KDM2B: variants seen among roughly 807,000 people sequenced by gnomAD.
The protein encoded by KDM2B is lysine-specific demethylase 2B.
A neutral mutation model predicts 150.0 loss-of-function variants in KDM2B; 26 were observed. The observed-to-expected ratio is 0.17, with a 90% CI of 0.13 to 0.24. The LOEUF (loss-of-function observed/expected upper bound fraction) is 0.24, where lower values mean the gene tolerates loss of function less well. KDM2B is among the 10% of genes least tolerant of loss of function. The pLI is 1.00. For synonymous variants in KDM2B, 734 were observed against 729.5 expected, an observed-to-expected ratio of 1.01 and a Z score of -0.10; for missense variants, 1,265 against 1,816.9, an observed-to-expected ratio of 0.70 and a Z score of 5.52.
At chr12:121,412,951 A>T in the KDM2B span, among the ~76,000 whole-genome samples, 6 of 151,612 alleles carry the variant, frequency 4.0e-5, no homozygotes, top group Non-Finnish European at 8.8e-5. Flanking sequence ...TCTTGACCTC[A>T]TGATCTGCTC....
chr12:121,476,942 C>T (rs1881451129), intron 12 of KDM2B, among the ~76,000 whole-genome samples: 1 of 152,256 alleles, frequency 6.6e-6, no homozygotes, highest in South Asian at 2.1e-4. Flanking sequence ...CCTCACACTG[C>T]TGGCTCAGGA....
chr12:121,513,339 C>T lies in KDM2B; in HGVS notation c.1111G>A (p.Val371Met), dbSNP rs370799003. Reference protein sequence around the residue: ...EMCWYVLERYVYCVTQRSHLT... With the variant: ...EMCWYVLERYMYCVTQRSHLT... ...TGGGAGCGCTGGGTCACACAGTACACGTATCTCTCCAGGACATACCAGCAC... is the reference window on the plus strand; with the variant it reads ...TGGGAGCGCTGGGTCACACAGTACATGTATCTCTCCAGGACATACCAGCAC... The change falls in exon 10 of 23, where the codon GTG becomes ATG. Residue 371 changes from valine (V) to methionine (M), a missense_variant. Val to Met is a conservative substitution (Grantham distance 21, BLOSUM62 1). This residue lies in a region of KDM2B where 214 missense variants were observed against 447.4 expected (regional missense o/e 0.48). Transcript: ENST00000377071. The surrounding 1 kb of genome is among the most constrained non-coding windows in gnomAD (Gnocchi z 5.0). 2.3e-5 allele frequency: 37 copies of T among 1,613,446 alleles called. No individual in the cohort carries two copies. The highest frequency in any genetic ancestry group is 2.9e-5 in the Non-Finnish European group (34 of 1,179,820).
intron 4 of KDM2B, among the ~76,000 whole-genome samples, chr12:121,569,736 C>A (rs574956325): frequency 3.3e-5 from 5 of 152,330 alleles, no homozygotes; most frequent in South Asian, 4.1e-4. Flanking sequence ...TGTCCCTCTG[C>A]AAAGCACTTG....
chr12:121,500,875 C>A (rs193231241), intron 11 of KDM2B, among the ~76,000 whole-genome samples: 53 of 152,188 alleles, frequency 3.5e-4, no homozygotes, highest in South Asian at 8.3e-4. Flanking sequence ...CCGAGGCGGG[C>A]GGATCACTTG....
At chr12:121,457,560 C>T (rs1192536104) in intron 12 of KDM2B, among the ~76,000 whole-genome samples, 1 of 152,070 alleles carries the variant, frequency 6.6e-6, no homozygotes, top group Non-Finnish European at 1.5e-5. Context: ...CTGTGCCTGG[C>T]CTCAAACACC....
At chr12:121,500,051 G>A (rs1224267239) in intron 11 of KDM2B, among the ~76,000 whole-genome samples, 3 of 152,080 alleles carry the variant, frequency 2.0e-5, no homozygotes, top group South Asian at 2.1e-4. Context: ...CCCTCTGTGT[G>A]TGGCCCCCCT....
chr12:121,432,099 C>T (rs532703884), intron 22 of KDM2B, among the ~76,000 whole-genome samples: 1 of 151,946 alleles, frequency 6.6e-6, no homozygotes, highest in East Asian at 2.0e-4. Context: ...CCAGGCTGGT[C>T]TTGAACTCCT....
chr12:121,551,987 C>T (rs1555311890), intron 4 of KDM2B, among the ~76,000 whole-genome samples: 1 of 152,184 alleles, frequency 6.6e-6, no homozygotes, highest in African/African-American at 2.4e-5. Context: ...ATCTAAATTT[C>T]ACAGCAACCT....
In KDM2B at chr12:121,575,785, T is replaced by C; in HGVS notation, c.346A>G (p.Ile116Val). 1 of 1,609,052 alleles carries C rather than the reference T, an allele frequency of 6.2e-7. No homozygotes were observed. The highest frequency in any genetic ancestry group is 8.5e-7 in the Non-Finnish European group (1 of 1,175,382). ...LIFREKDGLG[I>V]KMPDPDFTVR... ...TGATTAGTTTCAGCAACTTACTTAA[T>C]TCCCAGTCCATCCTTTTCTCGAAAT... The change falls in exon 3 of 23, where the codon ATT becomes GTT. Residue 116 changes from isoleucine (I) to valine (V), a missense_variant. Around this residue, in one of 11 missense-constraint regions of KDM2B, gnomAD observed 214 missense variants for 447.4 expected, o/e 0.48. Coordinates refer to ENST00000377071, the MANE Select transcript of KDM2B (RefSeq NM_032590.5). This position sits in a 1 kb window ranked among gnomAD's most constrained non-coding sequence, Gnocchi z 4.4.
At chr12:121,440,710 A>G in intron 21 of KDM2B, 106 bp downstream of exon 21, 1 of 1,120,896 alleles carries the variant, frequency 8.9e-7, no homozygotes, top group Non-Finnish European at 1.3e-6. Context: ...GCAGAGACTC[A>G]TCCCTATGTC....
intron 4 of KDM2B, among the ~76,000 whole-genome samples, chr12:121,553,888 T>C (rs75735117): frequency 0.022 from 3,274 of 152,150 alleles, 47 homozygotes; most frequent in Non-Finnish European, 0.036. Context: ...GCTCTGTGAA[T>C]ATACTGAAAA....
At chr12:121,499,432 T>A (rs79914308) in intron 11 of KDM2B, among the ~76,000 whole-genome samples, 9,360 of 151,864 alleles carry the variant, frequency 0.062, 686 homozygotes, top group East Asian at 0.23. Flanking sequence ...ATAATTTTTT[T>A]AATTACAATT....
At chr12:121,557,763 G>A (rs1890013495) in intron 4 of KDM2B, among the ~76,000 whole-genome samples, 1 of 152,202 alleles carries the variant, frequency 6.6e-6, no homozygotes, top group South Asian at 2.1e-4. Flanking sequence ...AGAAGTGTGA[G>A]AGAATAAACT....
chr12:121,575,916 C>G lies in KDM2B; in HGVS notation c.272-57G>C. ...TTAAGTCACGAAGGAGCAAATGAAC[C>G]GGGATCTGTTGGTTAGGGGAAGAAA... On this transcript the variant is annotated intron_variant, in intron 2 of 22. Coordinates refer to ENST00000377071, the MANE Select transcript of KDM2B (RefSeq NM_032590.5). The surrounding 1 kb of genome is among the most constrained non-coding windows in gnomAD (Gnocchi z 4.4). 7.4e-7 allele frequency: 1 copy of G among 1,347,874 alleles called. No homozygotes were observed. Among genetic ancestry groups the G allele is most frequent in the South Asian group, 1.2e-5 (1 of 85,436 alleles). 83.5% of individuals were successfully genotyped at this position (1,347,874 alleles called of 1,614,324 possible).
At chr12:121,423,043 G>C in the KDM2B span, among the ~76,000 whole-genome samples, 1 of 152,196 alleles carries the variant, frequency 6.6e-6, no homozygotes, top group Non-Finnish European at 1.5e-5. This position sits in a 1 kb window ranked among gnomAD's most constrained non-coding sequence, Gnocchi z 4.3. Flanking sequence ...ATCTACAGAA[G>C]ACCAGCTGAG....
chr12:121,420,257 A>G, the KDM2B span: 1 of 1,606,298 alleles, frequency 6.2e-7, no homozygotes, highest in Non-Finnish European at 8.5e-7. Context: ...AAGTGAAATC[A>G]CTTCAGCAAA....
chr12:121,515,894 G>A (rs1161862838), intron 9 of KDM2B, among the ~76,000 whole-genome samples: 3 of 152,090 alleles, frequency 2.0e-5, no homozygotes, highest in South Asian at 4.1e-4. Context: ...ATCATCTAGC[G>A]GTTTCCTTGG....
At position 121,541,130 on chromosome 12, in the gene KDM2B, G is replaced by A. The variant is rs544665471; in HGVS notation, c.684-6540C>T. On this transcript the variant is annotated intron_variant, in intron 6 of 22. Coordinates refer to ENST00000377071, the MANE Select transcript of KDM2B (RefSeq NM_032590.5). ...GCCTGTAATCCCAGCTACTCAGGAG[G>A]CTGAGGCAGGAGAATCGCTTGAACC... Among the ~76,000 whole-genome samples the A allele has an allele frequency of 1.8e-4, 28 of 152,248 alleles. No individual in the cohort carries two copies. In the South Asian group the frequency reaches 5.8e-3, roughly 32 times the overall value.
At chr12:121,422,155 G>T in the KDM2B span, among the ~76,000 whole-genome samples, 1 of 152,300 alleles carries the variant, frequency 6.6e-6, no homozygotes, top group East Asian at 1.9e-4. Context: ...TTGCGGCGTA[G>T]GATATAACAT....
Sources: allele counts gnomAD v4.1 joint callset (sites outside exome capture counted in the v4.1 genomes callset), GRCh38; gene constraint gnomAD v4.1.1; regional missense constraint gnomAD v4.1.1; non-coding constraint Gnocchi (gnomAD v3.1); transcripts MANE v1.5; gene names NCBI Gene and HGNC (gene_info 2026-07-23, HGNC 2026-07-21).